Variants in ARHGEF11 observed in about 807,000 individuals in gnomAD.
ARHGEF11 encodes the protein Rho guanine exchange factor (GEF) 11.
Under a neutral mutation model 193.7 loss-of-function variants are expected in ARHGEF11, and 55 were observed. The ratio of observed to expected loss-of-function variants is 0.28; its 90% confidence interval spans 0.23 to 0.36. The LOEUF is 0.36. ARHGEF11 is among the 10% of genes least tolerant of loss of function. The pLI is 1.00. For synonymous variants in ARHGEF11, 693 were observed against 768.0 expected, an observed-to-expected ratio of 0.90 and a Z score of 1.62; for missense variants, 1,723 against 2,005.6, an observed-to-expected ratio of 0.86 and a Z score of 2.69.
In ARHGEF11 at chr1:156,980,451, C is replaced by T. The variant is rs921039548; in HGVS notation, c.259G>A (p.Asp87Asn). 3 of 1,604,380 alleles carry T rather than the reference C, an allele frequency of 1.9e-6. No individual in the cohort carries two copies. Among genetic ancestry groups the T allele is most frequent in the Non-Finnish European group, 2.6e-6 (3 of 1,175,138 alleles). The change falls in exon 4 of 41, where the codon GAC becomes AAC. Residue 87 changes from aspartate to asparagine, a missense_variant. By Grantham distance (23) the Asp-to-Asn change is conservative (BLOSUM62 1). Coordinates refer to ENST00000368194, the MANE Select transcript of ARHGEF11 (RefSeq NM_198236.3). ...GGGTCACTCACTTTGATGATCCGGTCGCCCTCTTTCACACCGGCCTTCATG... is the reference window on the plus strand; with the variant it reads ...GGGTCACTCACTTTGATGATCCGGTTGCCCTCTTTCACACCGGCCTTCATG... ...AAMKAGVKEG[D>N]RIIKVNGTMV...
At chr1:156,974,407 T>C (rs1336147) in intron 7 of ARHGEF11, among the ~76,000 whole-genome samples, 33,770 of 152,110 alleles carry the variant, frequency 0.22, 3,969 homozygotes, top group East Asian at 0.37. Context: ...GCAGACTGAA[T>C]CCAACTCAAG....
rs1031537229 is a variant in ARHGEF11 at position 156,939,731 on chromosome 1, T to A, written c.3913A>T (p.Thr1305Ser). Residue 1305 changes from threonine (T) to serine (S), a missense_variant, in exon 37 of 41, where the codon ACC (threonine) becomes TCC (serine). By Grantham distance (58) the Thr-to-Ser change is moderately conservative. Coordinates refer to ENST00000368194, the MANE Select transcript of ARHGEF11 (RefSeq NM_198236.3). ...QAPPGGEGDN[T>S]QLAGLEGERP... ...TCCCCCTCCAGCCCTGCAAGCTGGG[T>A]GTTGTCCCCTTCACCCCCAGGGGGT... is the stretch of plus-strand genomic sequence containing the variant. 1 of 1,614,030 alleles carries A rather than the reference T, an allele frequency of 6.2e-7. No homozygotes were observed. The highest frequency in any genetic ancestry group is 8.5e-7 in the Non-Finnish European group (1 of 1,179,974).
intron 15 of ARHGEF11, among the ~76,000 whole-genome samples, chr1:156,959,871 C>T (rs1402282021): frequency 6.6e-6 from 1 of 151,188 alleles, no homozygotes; most frequent in Non-Finnish European, 1.5e-5. Flanking sequence ...CTGGTCCTCA[C>T]TCTGGACTCG....
intron 8 of ARHGEF11, among the ~76,000 whole-genome samples, chr1:156,970,650 T>A (rs1276913293): frequency 6.6e-6 from 1 of 152,188 alleles, no homozygotes; most frequent in Non-Finnish European, 1.5e-5. Context: ...GGGTTGGCGC[T>A]CAGACCTTCA....
chr1:156,940,483 A>C, intron 35 of ARHGEF11, 58 bp from the exon 36 acceptor site: 1 of 1,504,868 alleles, frequency 6.6e-7, no homozygotes, highest in African/African-American at 1.4e-5. Context: ...CGTATGGGAG[A>C]GCCTATGGGC....
chr1:157,034,255 T>C (rs552112566), intron 1 of ARHGEF11, among the ~76,000 whole-genome samples: 1 of 152,314 alleles, frequency 6.6e-6, no homozygotes, highest in East Asian at 1.9e-4. Flanking sequence ...GGCCTTTCTC[T>C]GCAGCAGCAG....
intron 5 of ARHGEF11, 44 bp from the exon 6 acceptor site, chr1:156,978,426 GGAGA>G (rs760901380): frequency 6.5e-7 from 1 of 1,537,386 alleles, no homozygotes; most frequent in African/African-American, 1.4e-5. Context: ...GTGCTGTTCT[GGAGA>G]GACAGTCCAG....
At chr1:156,936,323 C>A in intron 40 of ARHGEF11, 1 of 629,918 alleles carries the variant, frequency 1.6e-6, no homozygotes, top group South Asian at 1.5e-5. Flanking sequence ...CAGTGTGGTT[C>A]TGAATCATTT....
intron 10 of ARHGEF11, among the ~76,000 whole-genome samples, chr1:156,968,664 A>G (rs909110016): frequency 4.6e-5 from 7 of 152,260 alleles, no homozygotes; most frequent in Non-Finnish European, 1.0e-4. Context: ...ACATATTCAC[A>G]TATTTAATTA....
At chr1:157,007,186 T>C (rs1361972995) in intron 1 of ARHGEF11, among the ~76,000 whole-genome samples, 3 of 150,072 alleles carry the variant, frequency 2.0e-5, no homozygotes, top group Non-Finnish European at 4.4e-5. Context: ...AGACATGAGA[T>C]GAAAAAACAA....
At chr1:156,975,953 C>T (rs1331984224) in intron 7 of ARHGEF11, among the ~76,000 whole-genome samples, 4 of 152,126 alleles carry the variant, frequency 2.6e-5, no homozygotes, top group Admixed American at 2.0e-4. Flanking sequence ...ATTATACTGT[C>T]TTGATTACTC....
At position 156,935,706 on chromosome 1, in the gene ARHGEF11, T is replaced by C. The variant is rs1654920642; in HGVS notation, c.*294A>G. On this transcript the variant is annotated 3_prime_UTR_variant, in exon 41 of 41. Transcript: ENST00000368194. Reference sequence around the variant, plus strand: ...AGGCGTGCGCGTGTACACACATATGTGGGGTGAGGGCAGACCATGGTGAGT... The same window carrying C: ...AGGCGTGCGCGTGTACACACATATGCGGGGTGAGGGCAGACCATGGTGAGT... 1 of 404,012 alleles carries C rather than the reference T, an allele frequency of 2.5e-6. No individual in the cohort carries two copies. 25.0% of individuals were successfully genotyped at this position (404,012 alleles called of 1,614,324 possible). A position where few individuals can be genotyped will look rare whatever the true frequency, so the allele number is the denominator to read the frequency against.
At chr1:157,044,176 T>C (rs1054497066) in intron 1 of ARHGEF11, 123 bp downstream of exon 1, 26 of 882,158 alleles carry the variant, frequency 2.9e-5, no homozygotes, top group South Asian at 2.5e-4. Flanking sequence ...CTAATGCTCC[T>C]AGCCCACCAA....
intron 1 of ARHGEF11, among the ~76,000 whole-genome samples, chr1:157,028,161 A>C (rs1174143493): frequency 6.6e-6 from 1 of 152,234 alleles, no homozygotes; most frequent in Non-Finnish European, 1.5e-5. Flanking sequence ...GTTTGGGAGC[A>C]ATGGATAAAC....
At chr1:156,973,238 T>C (rs1662767722) in intron 7 of ARHGEF11, among the ~76,000 whole-genome samples, 1 of 152,210 alleles carries the variant, frequency 6.6e-6, no homozygotes, top group Non-Finnish European at 1.5e-5. Flanking sequence ...CACAGCCAAA[T>C]GTTTCAAAAC....
intron 7 of ARHGEF11, among the ~76,000 whole-genome samples, chr1:156,976,561 T>A (rs1663287669): frequency 6.6e-6 from 1 of 152,198 alleles, no homozygotes; most frequent in Non-Finnish European, 1.5e-5. Context: ...AGTAAATTAA[T>A]CTTCTTACTG....
chr1:156,987,286 T>A (rs912433713), intron 1 of ARHGEF11, among the ~76,000 whole-genome samples: 1 of 152,192 alleles, frequency 6.6e-6, no homozygotes, highest in Non-Finnish European at 1.5e-5. Flanking sequence ...GAGTGACTGG[T>A]TAAATAAATT....
rs541843496 is a variant in ARHGEF11 at position 156,971,359 on chromosome 1, A to G, written c.702+338T>C. ...GAAATACTGGGTAAAACCAGTATAG[A>G]AATGTACATACATCCACTATGAAGA... On this transcript the variant is annotated intron_variant, in intron 8 of 40. Coordinates refer to ENST00000368194, the MANE Select transcript of ARHGEF11 (RefSeq NM_198236.3). 9.3e-4 allele frequency among the ~76,000 whole-genome samples: 141 copies of G among 152,354 alleles called. 1 individual carries two copies. Among genetic ancestry groups the G allele is most frequent in the African/African-American group, 3.3e-3 (139 of 41,584 alleles).
chr1:157,000,715 G>A (rs2102670255), intron 1 of ARHGEF11, among the ~76,000 whole-genome samples: 1 of 152,298 alleles, frequency 6.6e-6, no homozygotes, highest in African/African-American at 2.4e-5. Flanking sequence ...TGGAAGTAAT[G>A]GGAGTTGATG....
Sources: allele counts gnomAD v4.1 joint callset (sites outside exome capture counted in the v4.1 genomes callset), GRCh38; gene constraint gnomAD v4.1.1; transcripts MANE v1.5; gene names NCBI Gene and HGNC (gene_info 2026-07-23, HGNC 2026-07-21).